SNRPD1: variants seen among roughly 807,000 people sequenced by gnomAD.
SNRPD1 encodes the protein small nuclear ribonucleoprotein D1 polypeptide.
In SNRPD1, 1 loss-of-function variant was observed where a neutral mutation model predicts 14.4. The ratio of observed to expected loss-of-function variants is 0.07; its 90% CI spans 0.02 to 0.33. SNRPD1 has a LOEUF of 0.33. Among genes scored for constraint, SNRPD1 ranks in the 10% least tolerant of loss-of-function variants. The probability of loss-of-function intolerance (pLI) is 1.00; values close to 1 mark genes in which losing one functional copy is unlikely to be tolerated. For missense variants in SNRPD1, 52 were observed against 146.4 expected (o/e 0.36, Z 3.33); for synonymous variants, 42 against 50.3 (o/e 0.83, Z 0.70).
rs1476778718 is a variant in SNRPD1 at position 21,631,474 on chromosome 18, T to C, written c.*2336T>C. 2 of 140,884 alleles carry C rather than the reference T, an allele frequency of 1.4e-5. No homozygotes were observed. The highest frequency in any genetic ancestry group is 5.5e-5 in the African/African-American group (2 of 36,518). The allele number at this position is 140,884 out of a possible 1,614,324, so 8.7% of individuals were successfully genotyped here. ...TTTTTCTGGAGACAGTCTTGCTCTGTTGCCCAGGCTGGAGTACAGTGGCGC... is the reference window on the plus strand; with the variant it reads ...TTTTTCTGGAGACAGTCTTGCTCTGCTGCCCAGGCTGGAGTACAGTGGCGC... On this transcript the variant is annotated 3_prime_UTR_variant, in exon 4 of 4. Transcript: ENST00000300413.
intron 1 of SNRPD1, among the ~76,000 whole-genome samples, chr18:21,617,726 GGC>G (rs2038967673): frequency 6.6e-6 from 1 of 152,174 alleles, no homozygotes; most frequent in South Asian, 2.1e-4. Flanking sequence ...TCATCGGCCA[GGC>G]GTGGTGGTTC....
At chr18:21,621,461 A>T (rs1477314642) in intron 1 of SNRPD1, among the ~76,000 whole-genome samples, 1 of 152,084 alleles carries the variant, frequency 6.6e-6, no homozygotes, top group Non-Finnish European at 1.5e-5. Context: ...GGTACAGTGG[A>T]ACAATCTCAC....
chr18:21,613,856 A>G (rs1411569496), intron 1 of SNRPD1, among the ~76,000 whole-genome samples: 1 of 134,686 alleles, frequency 7.4e-6, no homozygotes, highest in East Asian at 2.0e-4. Flanking sequence ...CTCCATCTCA[A>G]AAAAAAAAAA....
At chr18:21,613,854 C>CAAAAAAAAAAAA (rs56863125) in intron 1 of SNRPD1, among the ~76,000 whole-genome samples, 1 of 58,696 alleles carries the variant, frequency 1.7e-5, no homozygotes, top group Non-Finnish European at 2.9e-5. Context: ...GACTCCATCT[C>CAAAAAAAAAAAA]AAAAAAAAAA....
intron 1 of SNRPD1, among the ~76,000 whole-genome samples, chr18:21,618,744 G>T (rs1318186083): frequency 6.6e-6 from 1 of 151,962 alleles, no homozygotes; most frequent in East Asian, 1.9e-4. Context: ...TAAAGTTTGA[G>T]GCTTGTTATA....
chr18:21,619,157 T>TA (rs2038978884), intron 1 of SNRPD1, among the ~76,000 whole-genome samples: 2 of 152,126 alleles, frequency 1.3e-5, no homozygotes, highest in Admixed American at 1.3e-4. Context: ...GCCTACAACT[T>TA]ACTTTGAGAT....
chr18:21,631,876 G>A lies in SNRPD1; in HGVS notation c.*2738G>A, dbSNP rs1052688772. On this transcript the variant is annotated 3_prime_UTR_variant, in exon 4 of 4. Transcript: ENST00000300413. ...ACCCCTGTAATGCAGCAAGTGGAGA[G>A]ATTTGTTGAAGGGGTCAAACAAAAC... 6.6e-6 allele frequency: 1 copy of A among 152,106 alleles called. No individual in the cohort carries two copies. Among genetic ancestry groups the A allele is most frequent in the Non-Finnish European group, 1.5e-5 (1 of 68,034 alleles). 9.4% of individuals were successfully genotyped at this position (152,106 alleles called of 1,614,324 possible).
intron 1 of SNRPD1, among the ~76,000 whole-genome samples, chr18:21,621,147 G>T (rs2038994721): frequency 6.6e-6 from 1 of 151,230 alleles, no homozygotes; most frequent in South Asian, 2.1e-4. Flanking sequence ...CAGCCTGGGT[G>T]ACAGAGCGAG....
At position 21,629,055 on chromosome 18, in the gene SNRPD1, C is replaced by T. The variant is rs1568126726; in HGVS notation, c.284-7C>T. The T allele has an allele frequency of 6.2e-6, 10 of 1,613,226 alleles. No individual in the cohort carries two copies. Among genetic ancestry groups the T allele is most frequent in the Non-Finnish European group, 8.5e-6 (10 of 1,179,306 alleles). On this transcript the variant is annotated splice_polypyrimidine_tract_variant and splice_region_variant and intron_variant, in intron 3 of 3. Coordinates refer to ENST00000300413, the MANE Select transcript of SNRPD1 (RefSeq NM_006938.4). Reference sequence around the variant, plus strand: ...ATTGAACTTGGTTTGTTTTTCTTTTCCTTCAGTTGCAGGAAGAGGCAGAGG... The same window carrying T: ...ATTGAACTTGGTTTGTTTTTCTTTTTCTTCAGTTGCAGGAAGAGGCAGAGG...
chr18:21,615,462 C>CA (rs1173157481), intron 1 of SNRPD1, among the ~76,000 whole-genome samples: 2 of 151,530 alleles, frequency 1.3e-5, no homozygotes, highest in African/African-American at 4.8e-5. Context: ...CTAAAAATAC[C>CA]AAAAAAGTAG....
At chr18:21,628,965 A>T in intron 3 of SNRPD1, 97 bp from the exon 4 acceptor site, 1 of 908,414 alleles carries the variant, frequency 1.1e-6, no homozygotes, top group Non-Finnish European at 1.8e-6. Flanking sequence ...AAAGAGCTAT[A>T]AACAGGGAAA....
chr18:21,612,356 A>T lies in SNRPD1; in HGVS notation c.-74A>T, dbSNP rs1433090495. On this transcript the variant is annotated 5_prime_UTR_variant, in exon 1 of 4. Transcript: ENST00000300413. ...CTGGAGTAGGCGCTTCCGGCCATTCATACTGCAGTCGGTCAGTGTTCGGTT... is the reference window on the plus strand; with the variant it reads ...CTGGAGTAGGCGCTTCCGGCCATTCTTACTGCAGTCGGTCAGTGTTCGGTT... 1 of 1,245,046 alleles carries T rather than the reference A, an allele frequency of 8.0e-7. No homozygotes were observed. Among genetic ancestry groups the T allele is most frequent in the Non-Finnish European group, 1.1e-6 (1 of 904,508 alleles). The allele number at this position is 1,245,046 out of a possible 1,614,324, so 77.1% of individuals were successfully genotyped here. A position where few individuals can be genotyped will look rare whatever the true frequency, so the allele number is the denominator to read the frequency against.
intron 3 of SNRPD1, among the ~76,000 whole-genome samples, chr18:21,625,149 T>C (rs2039026940): frequency 6.6e-6 from 1 of 151,970 alleles, no homozygotes; most frequent in South Asian, 2.1e-4. Flanking sequence ...TTCTACATTT[T>C]TTTTTTTACT....
intron 3 of SNRPD1, among the ~76,000 whole-genome samples, chr18:21,626,047 G>T (rs1435900452): frequency 3.3e-5 from 5 of 152,108 alleles, no homozygotes; most frequent in Admixed American, 3.3e-4. Flanking sequence ...ATTTTAACGT[G>T]TTCTAGACTT....
chr18:21,612,867 A>G (rs1436739011), intron 1 of SNRPD1, among the ~76,000 whole-genome samples: 1 of 152,154 alleles, frequency 6.6e-6, no homozygotes, highest in Non-Finnish European at 1.5e-5. Context: ...CGGCTTCACA[A>G]GTTTTTGTTT....
chr18:21,618,670 A>G (rs1206441221), intron 1 of SNRPD1, among the ~76,000 whole-genome samples: 2 of 152,120 alleles, frequency 1.3e-5, no homozygotes, highest in African/African-American at 2.4e-5. Flanking sequence ...AGTGTTACCA[A>G]TTCGTTGAGA....
chr18:21,627,175 A>G (rs1349674405), intron 3 of SNRPD1, among the ~76,000 whole-genome samples: 3 of 152,090 alleles, frequency 2.0e-5, no homozygotes, highest in African/African-American at 7.2e-5. Context: ...AGGCTGAGGC[A>G]GGAGAATCGC....
At chr18:21,623,968 G>A (rs1395099082) in intron 3 of SNRPD1, 29 bp downstream of exon 3, 3 of 1,365,224 alleles carry the variant, frequency 2.2e-6, no homozygotes, top group African/African-American at 2.9e-5. Context: ...AAACATTTTT[G>A]TGAATGCTAA....
intron 2 of SNRPD1, among the ~76,000 whole-genome samples, chr18:21,623,185 G>A (rs959843989): frequency 2.6e-5 from 4 of 152,070 alleles, no homozygotes; most frequent in African/African-American, 7.2e-5. Context: ...TCCCGGGTCC[G>A]GGTTGAAGCA....
Sources: gnomAD v4.1 joint callset for allele counts (sites outside exome capture counted in the v4.1 genomes callset) on GRCh38, gnomAD v4.1.1 for gene constraint, MANE v1.5 for transcripts, NCBI Gene and HGNC (gene_info 2026-07-23, HGNC 2026-07-21) for gene names.